Variants in EGFLAM observed in about 807,000 individuals in gnomAD.
EGFLAM encodes the protein pikachurin.
A neutral mutation model predicts 113.1 loss-of-function variants in EGFLAM; 79 were observed. That is an observed-to-expected ratio of 0.70 (90% CI 0.58 to 0.84). The LOEUF (loss-of-function observed/expected upper bound fraction) is 0.84, where lower values mean the gene tolerates loss of function less well. Ranked by LOEUF, EGFLAM falls within the 40% of genes least tolerant of loss-of-function variation. The pLI is 0.00. For synonymous variants in EGFLAM, 504 were observed against 487.6 expected, an observed-to-expected ratio of 1.03 and a Z score of -0.44; for missense variants, 1,265 against 1,291.6, an observed-to-expected ratio of 0.98 and a Z score of 0.32.
chr5:38,338,626 A>T, intron 2 of EGFLAM, 72 bp from the exon 3 acceptor site: 1 of 1,399,470 alleles, frequency 7.1e-7, no homozygotes, highest in Non-Finnish European at 1.0e-6. Flanking sequence ...TGCCACTGTG[A>T]GTGCAATTAC....
At chr5:38,411,649 A>G (rs1741484291) in intron 10 of EGFLAM, among the ~76,000 whole-genome samples, 1 of 151,088 alleles carries the variant, frequency 6.6e-6, no homozygotes, top group Non-Finnish European at 1.5e-5. Context: ...TGCTCAGTTA[A>G]CTTTTGTATT....
chr5:38,463,663 A>C (rs889013212), intron 21 of EGFLAM, among the ~76,000 whole-genome samples, 169 bp from the exon 22 acceptor site: 1 of 150,814 alleles, frequency 6.6e-6, no homozygotes, highest in African/African-American at 2.5e-5. Flanking sequence ...TATAAAATTG[A>C]GAGAGGTGAG....
intron 7 of EGFLAM, 61 bp downstream of exon 7, chr5:38,406,302 A>G (rs983990731): frequency 4.3e-6 from 6 of 1,408,076 alleles, no homozygotes; most frequent in African/African-American, 4.2e-5. Flanking sequence ...GAACAAGACA[A>G]TTTAGCCAAT....
At chr5:38,283,207 G>A (rs1027415172) in intron 1 of EGFLAM, among the ~76,000 whole-genome samples, 1 of 151,988 alleles carries the variant, frequency 6.6e-6, no homozygotes, top group African/African-American at 2.4e-5. Flanking sequence ...TGAATGACCC[G>A]TTCTCCAATT....
At chr5:38,390,975 T>C (rs775803568) in intron 6 of EGFLAM, among the ~76,000 whole-genome samples, 7 of 152,168 alleles carry the variant, frequency 4.6e-5, no homozygotes, top group Non-Finnish European at 8.8e-5. Context: ...ATGGTATCCA[T>C]TAGGAAGAAG....
At chr5:38,445,639 G>C (rs750261799) in intron 17 of EGFLAM, 6 of 1,598,364 alleles carry the variant, frequency 3.8e-6, no homozygotes, top group African/African-American at 1.3e-5. Context: ...ACTGTGAAAG[G>C]CTGACTCTCC....
At chr5:38,303,203 A>G (rs562620939) in intron 1 of EGFLAM, among the ~76,000 whole-genome samples, 1 of 152,340 alleles carries the variant, frequency 6.6e-6, no homozygotes, top group East Asian at 1.9e-4. Context: ...CAAGTCTACT[A>G]TAGTATTCAT....
At chr5:38,300,219 A>G (rs570008746) in intron 1 of EGFLAM, among the ~76,000 whole-genome samples, 1 of 152,312 alleles carries the variant, frequency 6.6e-6, no homozygotes, top group South Asian at 2.1e-4. Context: ...TTCCAGGAAC[A>G]TAAAGGCCTG....
chr5:38,358,446 C>CAA (rs34444620), intron 5 of EGFLAM, among the ~76,000 whole-genome samples: 42,244 of 73,652 alleles, frequency 0.57, 12,459 homozygotes, highest in Non-Finnish European at 0.67. Flanking sequence ...GACTCCGTCT[C>CAA]AAAAAAAAAA....
Position 38,463,906 on chromosome 5 carries a change from A to G in EGFLAM, c.2950A>G (p.Thr984Ala), listed in dbSNP as rs547548222. Residue 984 changes from threonine to alanine, a missense_variant, in exon 22 of 22, where the codon ACC becomes GCC. Coordinates refer to ENST00000322350, the MANE Select transcript of EGFLAM (RefSeq NM_152403.4). ...GCTCGTGGGCTGTATCTCTCACTTC[A>G]CCCTGTCCACCGATTACCACATTTC... ...RGLVGCISHF[T>A]LSTDYHISLV... The G allele has an allele frequency of 3.1e-6, 5 of 1,614,004 alleles. No homozygotes were observed. In the African/African-American group the frequency reaches 5.3e-5, roughly 17 times the overall value.
intron 11 of EGFLAM, among the ~76,000 whole-genome samples, chr5:38,417,373 A>C (rs1185713979): frequency 1.3e-5 from 2 of 151,420 alleles, no homozygotes; most frequent in African/African-American, 4.8e-5. Flanking sequence ...AAAAAAACAA[A>C]AAAAAAAGGC....
At chr5:38,462,873 G>C in intron 20 of EGFLAM, 35 bp from the exon 21 acceptor site, 1 of 1,611,248 alleles carries the variant, frequency 6.2e-7, no homozygotes, top group Non-Finnish European at 8.5e-7. Flanking sequence ...AAAAATGCCA[G>C]GCTTTTTGTT....
intron 20 of EGFLAM, among the ~76,000 whole-genome samples, chr5:38,458,858 G>A (rs953696753): frequency 1.3e-5 from 2 of 151,958 alleles, no homozygotes; most frequent in African/African-American, 2.4e-5. Context: ...GCACACGCCT[G>A]TAATCCTAAC....
At chr5:38,443,172 A>T (rs1258200264) in intron 17 of EGFLAM, among the ~76,000 whole-genome samples, 1 of 152,162 alleles carries the variant, frequency 6.6e-6, no homozygotes, top group Non-Finnish European at 1.5e-5. Context: ...AGGCTGAGGC[A>T]GGAGAATCAC....
chr5:38,436,726 C>T (rs561622330), intron 16 of EGFLAM, among the ~76,000 whole-genome samples: 10 of 152,336 alleles, frequency 6.6e-5, no homozygotes, highest in East Asian at 1.9e-4. Flanking sequence ...GCCTGATTCA[C>T]GGGCTGGGCC....
At chr5:38,282,994 G>A (rs979942352) in intron 1 of EGFLAM, among the ~76,000 whole-genome samples, 7 of 152,114 alleles carry the variant, frequency 4.6e-5, no homozygotes, top group African/African-American at 1.7e-4. Context: ...TGGGACTACA[G>A]GCATGTGCCA....
chr5:38,352,051 G>C, intron 4 of EGFLAM, 145 bp from the exon 5 acceptor site: 2 of 1,093,408 alleles, frequency 1.8e-6, no homozygotes, highest in Admixed American at 2.5e-5. Flanking sequence ...TCTGAACAGA[G>C]ATATTTTGGG....
chr5:38,447,618 T>C (rs1239487589), intron 17 of EGFLAM, among the ~76,000 whole-genome samples: 1 of 152,064 alleles, frequency 6.6e-6, no homozygotes, highest in East Asian at 1.9e-4. Context: ...TAGCCAGGCT[T>C]GGTGGCAGGT....
intron 17 of EGFLAM, among the ~76,000 whole-genome samples, chr5:38,446,629 G>C (rs1438789071): frequency 6.6e-6 from 1 of 152,176 alleles, no homozygotes; most frequent in Non-Finnish European, 1.5e-5. Flanking sequence ...TGCAGCCTCA[G>C]GCCCTCTTCC....
Sources: allele counts gnomAD v4.1 joint callset (sites outside exome capture counted in the v4.1 genomes callset), GRCh38; gene constraint gnomAD v4.1.1; transcripts MANE v1.5; gene names NCBI Gene and HGNC (gene_info 2026-07-23, HGNC 2026-07-21).